The following UBXN11 variants were observed in gnomAD, a reference collection of about 807,000 sequenced individuals.
UBXN11 encodes UBX domain protein 11.
Under a neutral mutation model 62.8 loss-of-function variants are expected in UBXN11, and 47 were observed. The ratio of observed to expected loss-of-function variants is 0.75; its 90% CI spans 0.59 to 0.95. The LOEUF (loss-of-function observed/expected upper bound fraction) is 0.95. UBXN11 is among the 40% of genes least tolerant of loss of function. The probability of loss-of-function intolerance (pLI) is 0.00; values close to 1 mark genes in which losing one functional copy is unlikely to be tolerated. For missense variants in UBXN11, 638 were observed against 661.7 expected (o/e 0.96, Z 0.39); for synonymous variants, 294 against 267.0 (o/e 1.10, Z -0.99).
chr1:26,300,919 C>T lies in UBXN11; in HGVS notation c.199+7G>A, dbSNP rs757671799. The T allele has an allele frequency of 8.1e-6, 13 of 1,614,234 alleles. No homozygotes were observed. The highest frequency in any genetic ancestry group is 6.8e-6 in the Non-Finnish European group (8 of 1,180,032). On this transcript the variant is annotated splice_region_variant and intron_variant, in intron 4 of 14. Coordinates refer to ENST00000374222, the MANE Select transcript of UBXN11 (RefSeq NM_001389556.1). ...AGGACCCAGACCCTTCAGGCCTCTGCTCTCACCTTGCCGACTCACAGGGGC... is the reference window on the plus strand; with the variant it reads ...AGGACCCAGACCCTTCAGGCCTCTGTTCTCACCTTGCCGACTCACAGGGGC...
intron 1 of UBXN11, among the ~76,000 whole-genome samples, chr1:26,305,261 T>C (rs1266985462): frequency 6.6e-6 from 1 of 152,160 alleles, no homozygotes; most frequent in Non-Finnish European, 1.5e-5. Context: ...CCACCCCACC[T>C]GGCCCATCTC....
chr1:26,314,923 C>T (rs2073778192), intron 1 of UBXN11, among the ~76,000 whole-genome samples: 1 of 152,080 alleles, frequency 6.6e-6, no homozygotes, highest in African/African-American at 2.4e-5. Context: ...CCCTCCACCA[C>T]CCCAAAAATT....
Position 26,282,703 on chromosome 1 carries a change from A to G in UBXN11, c.1238T>C (p.Met413Thr). 6.2e-7 allele frequency: 1 copy of G among 1,614,184 alleles called. No individual in the cohort carries two copies. Among genetic ancestry groups the G allele is most frequent in the Non-Finnish European group, 8.5e-7 (1 of 1,180,026 alleles). Residue 413 changes from methionine (M) to threonine (T), a missense_variant, in exon 14 of 15, where the codon ATG (methionine) becomes ACG (threonine). Physicochemically the swap from Met to Thr is moderately conservative, Grantham distance 81 (BLOSUM62 -1). Coordinates refer to ENST00000374222, the MANE Select transcript of UBXN11 (RefSeq NM_001389556.1). Reference protein sequence around the residue: ...SENGEQAFLLMMQPDNTIGDV... With the variant: ...SENGEQAFLLTMQPDNTIGDV... Reference sequence around the variant, plus strand: ...CCCAATGGTGTTGTCAGGCTGCATCATCAGTAGGAAGGCCTGTTCCCCATT... The same window carrying G: ...CCCAATGGTGTTGTCAGGCTGCATCGTCAGTAGGAAGGCCTGTTCCCCATT...
chr1:26,294,880 C>T (rs1480516566), intron 7 of UBXN11, among the ~76,000 whole-genome samples: 1 of 152,222 alleles, frequency 6.6e-6, no homozygotes, highest in Non-Finnish European at 1.5e-5. Flanking sequence ...AACCTACCCG[C>T]TGCCAAGCGC....
intron 8 of UBXN11, among the ~76,000 whole-genome samples, chr1:26,291,110 C>T (rs1205564069): frequency 3.9e-5 from 6 of 152,120 alleles, no homozygotes; most frequent in South Asian, 2.1e-4. Context: ...CCCACTGGCT[C>T]GGCACAGACG....
intron 1 of UBXN11, among the ~76,000 whole-genome samples, chr1:26,317,102 A>G (rs4366307): frequency 0.7 from 104,163 of 149,596 alleles, 36,770 homozygotes; most frequent in Non-Finnish European, 0.75. Context: ...TTAGCCAGGC[A>G]TGGTGGCACA....
chr1:26,302,036 G>T (rs568806640), intron 2 of UBXN11, among the ~76,000 whole-genome samples: 2 of 152,316 alleles, frequency 1.3e-5, no homozygotes, highest in African/African-American at 4.8e-5. Flanking sequence ...AGGCTGTGAG[G>T]CCTGTTGCTT....
intron 10 of UBXN11, chr1:26,284,977 A>G (rs1033501458): frequency 1.8e-5 from 18 of 1,002,184 alleles, no homozygotes; most frequent in Non-Finnish European, 1.5e-5. Context: ...TCAGTGCGGC[A>G]CTAACCCACC....
chr1:26,301,717 C>T lies in UBXN11; in HGVS notation c.77G>A (p.Arg26Gln), dbSNP rs370089790. Reference sequence around the variant, plus strand: ...ACCATCTCCATAGATGCGGATTCCTCGCCTCCTGGGAACCCAGGCAGGAAG... The same window carrying T: ...ACCATCTCCATAGATGCGGATTCCTTGCCTCCTGGGAACCCAGGCAGGAAG... Reference protein sequence around the residue: ...LPSEPMNPGRRGIRIYGDEDE... With the variant: ...LPSEPMNPGRQGIRIYGDEDE... Residue 26 changes from arginine (R) to glutamine (Q), a missense_variant, in exon 3 of 15, where the codon CGA becomes CAA. Physicochemically the swap from Arg to Gln is conservative, Grantham distance 43. Transcript: ENST00000374222. 3.2e-5 allele frequency: 52 copies of T among 1,613,834 alleles called. No homozygotes were observed. The highest frequency in any genetic ancestry group is 1.6e-4 in the Middle Eastern group (1 of 6,080).
intron 8 of UBXN11, among the ~76,000 whole-genome samples, chr1:26,293,155 T>C (rs2073310895): frequency 1.3e-5 from 2 of 152,210 alleles, no homozygotes; most frequent in Non-Finnish European, 2.9e-5. Context: ...TTTAACTCAT[T>C]TGCTCCTTGT....
chr1:26,294,150 C>T, intron 8 of UBXN11, 55 bp downstream of exon 8: 4 of 1,601,672 alleles, frequency 2.5e-6, no homozygotes, highest in Non-Finnish European at 3.4e-6. Context: ...CGGCCAACAG[C>T]AAACTGTTGG....
intron 8 of UBXN11, among the ~76,000 whole-genome samples, chr1:26,288,783 C>T (rs896735350): frequency 6.6e-6 from 1 of 152,172 alleles, no homozygotes; most frequent in Non-Finnish European, 1.5e-5. Flanking sequence ...CAGCCCTGTG[C>T]CAAGCGCCAG....
At chr1:26,305,307 G>C (rs1308883897) in intron 1 of UBXN11, among the ~76,000 whole-genome samples, 1 of 152,106 alleles carries the variant, frequency 6.6e-6, no homozygotes, top group Non-Finnish European at 1.5e-5. Context: ...TACACAAATG[G>C]AATTATACAG....
chr1:26,297,412 C>A lies in UBXN11; in HGVS notation c.355+15G>T. On this transcript the variant is annotated intron_variant, in intron 6 of 14. Coordinates refer to ENST00000374222, the MANE Select transcript of UBXN11 (RefSeq NM_001389556.1). Reference sequence around the variant, plus strand: ...CTGACTGGGGGCGCAGGTCAGCCCTCCAAGAGCCCCCTACCTGGGTGTGGC... The same window carrying A: ...CTGACTGGGGGCGCAGGTCAGCCCTACAAGAGCCCCCTACCTGGGTGTGGC... The A allele has an allele frequency of 6.5e-7, 1 of 1,533,984 alleles. No individual in the cohort carries two copies.
At chr1:26,285,658 C>CTG (rs1483066944) in intron 9 of UBXN11, 117 bp from the exon 10 acceptor site, 1 of 1,355,682 alleles carries the variant, frequency 7.4e-7, no homozygotes, top group Non-Finnish European at 9.9e-7. Flanking sequence ...ACTCTGGAAA[C>CTG]ATTCAGAGTC....
At chr1:26,301,221 G>A (rs2073526158) in intron 3 of UBXN11, among the ~76,000 whole-genome samples, 197 bp from the exon 4 acceptor site, 1 of 152,230 alleles carries the variant, frequency 6.6e-6, no homozygotes, top group South Asian at 2.1e-4. Flanking sequence ...GCTCCCAGGG[G>A]GACTGGCATG....
Position 26,302,847 on chromosome 1 carries a change from T to C in UBXN11, c.37A>G (p.Lys13Glu). 1.2e-6 allele frequency: 2 copies of C among 1,613,932 alleles called. No individual in the cohort carries two copies. The highest frequency in any genetic ancestry group is 1.7e-6 in the Non-Finnish European group (2 of 1,179,908). ...ATAGGCTCCGAGGGCAGGGGCACTT[T>C]TCGGGTCTTGCTAAGGGAGGCCAAA... ...SPLASLSKTR[K>E]VPLPSEPMNP... Residue 13 changes from lysine (K) to glutamate (E), a missense_variant, in exon 2 of 15, where the codon AAA becomes GAA. Lys to Glu is a moderately conservative substitution (Grantham distance 56). Transcript: ENST00000374222.
chr1:26,314,323 T>C (rs982254556), intron 1 of UBXN11, among the ~76,000 whole-genome samples: 2 of 152,088 alleles, frequency 1.3e-5, no homozygotes, highest in Non-Finnish European at 2.9e-5. Context: ...AAAGCCTAGG[T>C]GGGGGGAGTT....
intron 8 of UBXN11, among the ~76,000 whole-genome samples, chr1:26,293,560 T>C (rs1325257383): frequency 4.4e-4 from 67 of 151,628 alleles, no homozygotes; most frequent in Middle Eastern, 3.2e-3. Flanking sequence ...ACCCCGTCTT[T>C]ACTAAAAATA....
Sources: gnomAD v4.1 joint callset for allele counts (sites outside exome capture counted in the v4.1 genomes callset) on GRCh38, gnomAD v4.1.1 for gene constraint, MANE v1.5 for transcripts, NCBI Gene and HGNC (gene_info 2026-07-23, HGNC 2026-07-21) for gene names.